MAPK6: variants seen among roughly 807,000 people sequenced by gnomAD.
MAPK6 encodes mitogen-activated protein kinase 6, also known as ERK-3.
In MAPK6, 19 loss-of-function variants were observed where a neutral mutation model predicts 59.3. The ratio of observed to expected loss-of-function variants is 0.32; its 90% CI spans 0.22 to 0.47. The LOEUF is 0.47. Among genes scored for constraint, MAPK6 ranks in the 20% least tolerant of loss-of-function variants. The pLI, the probability that MAPK6 is intolerant of heterozygous loss-of-function variation, is 1.00. For missense variants in MAPK6, 724 were observed against 847.9 expected (o/e 0.85, Z 1.81); for synonymous variants, 316 against 290.3 (o/e 1.09, Z -0.90).
Position 52,046,957 on chromosome 15 carries a change from T to G in MAPK6, c.497T>G (p.Val166Gly). ...ANLFINTEDL[V>G]LKIGDFGLAR... is the part of the protein sequence containing the mutation. ...CTTTTCATTAATACGGAAGACTTGG[T>G]GCTGAAGATAGGTGACTTTGGTCTT... The change falls in exon 2 of 6, where the codon GTG (valine) becomes GGG (glycine). Residue 166 changes from valine to glycine, a missense_variant. Around this residue, in one of 4 missense-constraint regions of MAPK6, gnomAD observed 105 missense variants for 191.9 expected, o/e 0.55. Coordinates refer to ENST00000261845, the MANE Select transcript of MAPK6 (RefSeq NM_002748.4). The G allele has an allele frequency of 6.2e-7, 1 of 1,610,550 alleles. No individual in the cohort carries two copies. Among genetic ancestry groups the G allele is most frequent in the Non-Finnish European group, 8.5e-7 (1 of 1,178,298 alleles).
At chr15:52,058,327 C>G (rs2032060207) in intron 3 of MAPK6, among the ~76,000 whole-genome samples, 1 of 152,094 alleles carries the variant, frequency 6.6e-6, no homozygotes, top group Non-Finnish European at 1.5e-5. Flanking sequence ...CAGTTAAGAC[C>G]AGAATCCAGA....
chr15:52,054,071 A>G (rs1057379018), intron 3 of MAPK6, among the ~76,000 whole-genome samples: 1 of 150,380 alleles, frequency 6.6e-6, no homozygotes, highest in Admixed American at 6.7e-5. Context: ...TGAGAGTTTT[A>G]TAGGATTCTT....
At position 51,983,988 on chromosome 15, in the gene MAPK6, TA is replaced by T. The variant is rs552159125; in HGVS notation, c.-770+685del. 9.2e-4 allele frequency among the ~76,000 whole-genome samples: 131 copies of T among 143,006 alleles called. 1 individual carries two copies. Among genetic ancestry groups the T allele is most frequent in the South Asian group, 6.2e-3 (28 of 4,528 alleles). 93.8% of individuals were successfully genotyped at this position (143,006 alleles called of 152,430 possible). On this transcript the variant is annotated intron_variant, in intron 2 of 7. Transcript: ENST00000691380. ...GTGAAAGAGCAAGATACTGTCTCAT[TA>T]AAAAAAAAAAATCCAGTCTAGAAAT...
upstream of MAPK6, chr15:52,017,921 G>T (rs55714716): frequency 0.037 from 5,704 of 152,204 alleles, 251 homozygotes; most frequent in African/African-American, 0.092. Context: ...CTTTCTCTTG[G>T]TTTTTTTCAC....
chr15:52,066,023 G>A lies in MAPK6; in HGVS notation c.*1023G>A, dbSNP rs568524327. The A allele has an allele frequency of 7.2e-5, 11 of 152,612 alleles. No homozygotes were observed. Among genetic ancestry groups the A allele is most frequent in the African/African-American group, 2.6e-4 (11 of 41,538 alleles). 9.5% of individuals were successfully genotyped at this position (152,612 alleles called of 1,614,324 possible). On this transcript the variant is annotated 3_prime_UTR_variant, in exon 6 of 6. Coordinates refer to ENST00000261845, the MANE Select transcript of MAPK6 (RefSeq NM_002748.4). Reference sequence around the variant, plus strand: ...ACTTGTGTGCATGGAAGTAATTAAGGTACATCATTATTGTAGTTTGAAAGT... The same window carrying A: ...ACTTGTGTGCATGGAAGTAATTAAGATACATCATTATTGTAGTTTGAAAGT...
intron 2 of MAPK6, among the ~76,000 whole-genome samples, chr15:52,003,530 C>G (rs1470101494): frequency 1.3e-5 from 2 of 152,244 alleles, no homozygotes; most frequent in Non-Finnish European, 2.9e-5. Context: ...ACAGTCCCCA[C>G]AGCAGGGCAG....
chr15:52,045,794 G>A (rs569390760), intron 1 of MAPK6, 36 bp from the exon 2 acceptor site: 2 of 152,680 alleles, frequency 1.3e-5, no homozygotes, highest in South Asian at 4.2e-4. Flanking sequence ...AGTATTTCCT[G>A]CAATGGTGAC....
intron 1 of MAPK6, chr15:52,027,836 G>A (rs537209691): frequency 2.0e-5 from 3 of 151,510 alleles, no homozygotes; most frequent in South Asian, 2.1e-4. Context: ...GCAGTGGCAC[G>A]ATCTTGGCTC....
chr15:51,996,145 TAAC>T (rs763702572), intron 2 of MAPK6, among the ~76,000 whole-genome samples: 64 of 152,256 alleles, frequency 4.2e-4, no homozygotes, highest in Non-Finnish European at 8.5e-4. Flanking sequence ...GGCAAGGGAA[TAAC>T]AACAAGAGGC....
chr15:52,051,763 A>G (rs1468194544), intron 3 of MAPK6, among the ~76,000 whole-genome samples: 1 of 152,012 alleles, frequency 6.6e-6, no homozygotes, highest in East Asian at 1.9e-4. Flanking sequence ...AATCCCAGCT[A>G]CTGGGGAGGC....
intron 3 of MAPK6, among the ~76,000 whole-genome samples, chr15:52,005,198 C>A (rs1297295331): frequency 6.6e-6 from 1 of 152,148 alleles, no homozygotes; most frequent in African/African-American, 2.4e-5. Flanking sequence ...AATAGGCACT[C>A]AAAGGCTATC....
chr15:52,037,354 A>C (rs1234501436), intron 1 of MAPK6, among the ~76,000 whole-genome samples: 1 of 152,176 alleles, frequency 6.6e-6, no homozygotes, highest in Non-Finnish European at 1.5e-5. Context: ...GTTAGCTCAA[A>C]AACAACAGCA....
At chr15:51,993,403 A>G (rs1014418419) in intron 2 of MAPK6, among the ~76,000 whole-genome samples, 3 of 152,210 alleles carry the variant, frequency 2.0e-5, no homozygotes, top group South Asian at 2.1e-4. Context: ...GATGTCACAG[A>G]CAGACCCAGG....
chr15:52,044,640 ATT>A (rs537632566), intron 1 of MAPK6, among the ~76,000 whole-genome samples: 1 of 145,312 alleles, frequency 6.9e-6, no homozygotes. Flanking sequence ...ACCAAGTTGC[ATT>A]TTTTTTTTTC....
chr15:52,035,654 C>T (rs1595988228), intron 1 of MAPK6: 1 of 151,546 alleles, frequency 6.6e-6, no homozygotes, highest in African/African-American at 2.4e-5. Context: ...AGAAAAAATC[C>T]ATAGGGAAGA....
intron 2 of MAPK6, among the ~76,000 whole-genome samples, chr15:51,999,754 C>G (rs148826310): frequency 6.6e-6 from 1 of 152,274 alleles, no homozygotes; most frequent in Admixed American, 6.5e-5. Flanking sequence ...AGCCAGCCTT[C>G]CATCTCAGCC....
intron 3 of MAPK6, among the ~76,000 whole-genome samples, chr15:52,051,686 C>T (rs1459599947): frequency 6.6e-6 from 1 of 151,806 alleles, no homozygotes; most frequent in Non-Finnish European, 1.5e-5. Flanking sequence ...CCAGGCTTGC[C>T]AACATGGTGA....
chr15:51,978,416 G>A (rs942287674), intron 1 of MAPK6, among the ~76,000 whole-genome samples: 1 of 151,950 alleles, frequency 6.6e-6, no homozygotes, highest in East Asian at 1.9e-4. Context: ...TTCCAGGCGT[G>A]AGCCACCATG....
chr15:52,062,748 G>C (rs939535200), intron 5 of MAPK6, among the ~76,000 whole-genome samples: 2 of 152,188 alleles, frequency 1.3e-5, no homozygotes, highest in Admixed American at 6.5e-5. Flanking sequence ...CTGGGCGACA[G>C]AGCAAGACTC....
Sources: gnomAD v4.1 joint callset for allele counts (sites outside exome capture counted in the v4.1 genomes callset) on GRCh38, gnomAD v4.1.1 for gene constraint, gnomAD v4.1.1 regional missense constraint, MANE v1.5 for transcripts, NCBI Gene and HGNC (gene_info 2026-07-23, HGNC 2026-07-21) for gene names.